Variants in MTM1 observed in about 807,000 individuals in gnomAD.
MTM1 encodes the protein myotubularin.
In MTM1, 9 loss-of-function variants were observed where a neutral mutation model predicts 52.1. That is an observed-to-expected ratio of 0.17 (90% CI 0.10 to 0.30). MTM1 has a LOEUF of 0.30. Among genes scored for constraint, MTM1 ranks in the 10% least tolerant of loss-of-function variants. The pLI is 1.00. For synonymous variants in MTM1, 136 were observed against 163.8 expected, an observed-to-expected ratio of 0.83 and a Z score of 1.29; for missense variants, 277 against 470.7, an observed-to-expected ratio of 0.59 and a Z score of 3.81.
chrX:150,615,550 C>T (rs1408792239), intron 5 of MTM1, among the ~76,000 whole-genome samples: 1 of 110,557 alleles, frequency 9.0e-6, no homozygotes, highest in African/African-American at 3.3e-5. Flanking sequence ...CCTGGCCAAT[C>T]CAAGTCGTTC....
In MTM1 at chrX:150,583,554, TTATA is replaced by T. The variant is rs1318341253; in HGVS notation, c.-10-9046_-10-9043del. Among the ~76,000 whole-genome samples, 3 of 24,534 alleles carry T rather than the reference TTATA, an allele frequency of 1.2e-4. 1 individual carries two copies. The highest frequency in any genetic ancestry group is 1.6e-4 in the Non-Finnish European group (3 of 18,398). The allele number at this position is 24,534 out of a possible 115,157, so 21.3% of individuals were successfully genotyped here. ...ATAAATTATATATATTATACATAAT[TTATA>T]TATAATATATAATTTATATATAATA... On this transcript the variant is annotated intron_variant, in intron 1 of 14. Coordinates refer to ENST00000370396, the MANE Select transcript of MTM1 (RefSeq NM_000252.3).
chrX:150,635,199 C>T (rs957243655), intron 6 of MTM1, among the ~76,000 whole-genome samples: 2 of 112,446 alleles, frequency 1.8e-5, no homozygotes, highest in Non-Finnish European at 3.8e-5. Flanking sequence ...AGACTTTGCT[C>T]AATTGGGACT....
intron 7 of MTM1, 75 bp downstream of exon 7, chrX:150,639,101 G>A: frequency 1.2e-6 from 1 of 852,435 alleles, no homozygotes; most frequent in Non-Finnish European, 1.8e-6. Flanking sequence ...CATCAGCCAT[G>A]CTTTCTGAAA....
In MTM1 at chrX:150,671,576, A is replaced by G. The variant is rs201373390; in HGVS notation, c.1793A>G (p.His598Arg). Residue 598 changes from histidine (H) to arginine (R), a missense_variant, in exon 15 of 15, where the codon CAT (histidine) becomes CGT (arginine). Transcript: ENST00000370396. ...TCCAGTCCTTCGCAAATGATGCCCC[A>G]TGTGCAAACTCACTTCTGAGGGGGG... ...SPSSPSQMMP[H>R]VQTHF 2.7e-5 allele frequency: 33 copies of G among 1,209,392 alleles called. No individual in the cohort carries two copies. The East Asian group carries it at 6.5e-4, about 24-fold the overall frequency.
intron 1 of MTM1, among the ~76,000 whole-genome samples, chrX:150,573,565 G>T (rs1446557832): frequency 2.7e-5 from 3 of 112,344 alleles, no homozygotes; most frequent in African/African-American, 9.7e-5. Context: ...AGGAAGCATT[G>T]TTTATTTCCC....
intron 9 of MTM1, among the ~76,000 whole-genome samples, chrX:150,648,185 T>G (rs2039965899): frequency 8.9e-6 from 1 of 111,906 alleles, no homozygotes; most frequent in African/African-American, 3.2e-5. Context: ...AAGAAATATT[T>G]CTGCCTAACT....
At position 150,671,537 on chromosome X, in the gene MTM1, C is replaced by T; in HGVS notation, c.1754C>T (p.Pro585Leu). The change falls in exon 15 of 15, where the codon CCC (proline) becomes CTC (leucine). Residue 585 changes from proline (P) to leucine (L), a missense_variant. Transcript: ENST00000370396. ...GCCAACTCTGCCAAGCTTTCTGATC[C>T]CCCAACTTCACCTTCCAGTCCTTCG... ...QLANSAKLSD[P>L]PTSPSSPSQM... 1 of 1,211,340 alleles carries T rather than the reference C, an allele frequency of 8.3e-7. No homozygotes were observed. Among genetic ancestry groups the T allele is most frequent in the Non-Finnish European group, 1.1e-6 (1 of 895,470 alleles).
chrX:150,583,697 T>C (rs57831530), intron 1 of MTM1, among the ~76,000 whole-genome samples: 5,778 of 41,830 alleles, frequency 0.14, 978 homozygotes, highest in African/African-American at 0.25. Flanking sequence ...ATATATTATT[T>C]ATAAATATAT....
chrX:150,631,667 C>CAAAAAAAAAA (rs34042424), intron 6 of MTM1, among the ~76,000 whole-genome samples: 18 of 35,454 alleles, frequency 5.1e-4, no homozygotes, highest in East Asian at 9.8e-4. Flanking sequence ...ACTCCATCTC[C>CAAAAAAAAAA]AAAAAAAAAA....
At chrX:150,641,136 A>G in intron 7 of MTM1, 133 bp from the exon 8 acceptor site, 1 of 634,673 alleles carries the variant, frequency 1.6e-6, no homozygotes, top group Non-Finnish European at 2.4e-6. Flanking sequence ...CTTATTATAA[A>G]TAGGTAGACC....
At chrX:150,634,517 CAG>C (rs1299517057) in intron 6 of MTM1, among the ~76,000 whole-genome samples, 4 of 111,841 alleles carry the variant, frequency 3.6e-5, no homozygotes, top group East Asian at 2.8e-4. Context: ...GGTGTGAAAT[CAG>C]AGAGTTTCAT....
At chrX:150,585,436 G>A (rs2038769008) in intron 1 of MTM1, among the ~76,000 whole-genome samples, 1 of 112,010 alleles carries the variant, frequency 8.9e-6, no homozygotes, top group Non-Finnish European at 1.9e-5. Context: ...GAGATGTTTT[G>A]ATCTGGCACC....
intron 2 of MTM1, among the ~76,000 whole-genome samples, chrX:150,595,732 A>G (rs1473160162): frequency 8.9e-6 from 1 of 112,737 alleles, no homozygotes; most frequent in Non-Finnish European, 1.9e-5. Flanking sequence ...AGCTATGGCA[A>G]ATTAGGCTCT....
intron 7 of MTM1, 82 bp from the exon 8 acceptor site, chrX:150,641,187 T>C: frequency 9.2e-7 from 1 of 1,084,767 alleles, no homozygotes; most frequent in Non-Finnish European, 1.3e-6. Context: ...CACATATTGC[T>C]AGAAGGAAGA....
intron 6 of MTM1, among the ~76,000 whole-genome samples, chrX:150,634,277 C>G (rs906846754): frequency 8.9e-6 from 1 of 112,210 alleles, no homozygotes; most frequent in Admixed American, 9.4e-5. Context: ...AAAGGAAACT[C>G]AAGAATTAAC....
At chrX:150,642,240 A>AT (rs782248002) in intron 8 of MTM1, among the ~76,000 whole-genome samples, 1 of 110,985 alleles carries the variant, frequency 9.0e-6, no homozygotes, top group African/African-American at 3.3e-5. Flanking sequence ...ATGAATTGTA[A>AT]TTTTTTTTAA....
chrX:150,611,206 A>G (rs1287603582), intron 4 of MTM1, among the ~76,000 whole-genome samples: 2 of 112,309 alleles, frequency 1.8e-5, no homozygotes, highest in Non-Finnish European at 3.8e-5. Flanking sequence ...CTGATCCACT[A>G]TATTTGAAGA....
At chrX:150,570,329 A>G (rs782000870) in intron 1 of MTM1, among the ~76,000 whole-genome samples, 1 of 111,955 alleles carries the variant, frequency 8.9e-6, no homozygotes, top group East Asian at 2.8e-4. Context: ...ACAGGCTGGC[A>G]TGATTGAGAA....
At chrX:150,652,357 A>C in intron 10 of MTM1, among the ~76,000 whole-genome samples, 1 of 108,348 alleles carries the variant, frequency 9.2e-6, no homozygotes, top group African/African-American at 3.4e-5. Flanking sequence ...TCTTACAAAA[A>C]ACTCAGACAA....
Sources: allele counts gnomAD v4.1 joint callset (sites outside exome capture counted in the v4.1 genomes callset), GRCh38; gene constraint gnomAD v4.1.1; transcripts MANE v1.5; gene names NCBI Gene and HGNC (gene_info 2026-07-23, HGNC 2026-07-21).